The following PHACTR3 variants were observed in gnomAD, a reference collection of about 807,000 sequenced individuals.
PHACTR3 encodes the protein protein phosphatase 1, regulatory subunit 123.
PHACTR3 carries 16 observed loss-of-function variants against 66.8 expected under a neutral mutation model. The observed-to-expected ratio is 0.24, with a 90% confidence interval of 0.16 to 0.36. The LOEUF is 0.36. Among genes scored for constraint, PHACTR3 ranks in the 10% least tolerant of loss-of-function variants. The pLI is 1.00. For missense variants in PHACTR3, 647 were observed against 719.9 expected, an observed-to-expected ratio of 0.90 and a Z score of 1.16; for synonymous variants, 323 against 292.1, an observed-to-expected ratio of 1.11 and a Z score of -1.08.
In PHACTR3 at chr20:59,829,280, C is replaced by T. The variant is rs895333795; in HGVS notation, c.1329-7225C>T. On this transcript the variant is annotated intron_variant, in intron 8 of 12. Transcript: ENST00000371015. The surrounding 1 kb of genome is among the most constrained non-coding windows in gnomAD (Gnocchi z 4.2). ...AGCACCTCTCAGCTGAGCCCTCAGTCGGCAGAACATCCCTGCTTGCTGTTT... is the reference window on the plus strand; with the variant it reads ...AGCACCTCTCAGCTGAGCCCTCAGTTGGCAGAACATCCCTGCTTGCTGTTT... Among the ~76,000 whole-genome samples, 8 of 152,204 alleles carry T rather than the reference C, an allele frequency of 5.3e-5. No homozygotes were observed. Among genetic ancestry groups the T allele is most frequent in the Admixed American group, 1.3e-4 (2 of 15,288 alleles).
chr20:59,757,061 T>A (rs1419129865), intron 4 of PHACTR3, among the ~76,000 whole-genome samples: 2 of 152,178 alleles, frequency 1.3e-5, no homozygotes. Context: ...AACAGACACT[T>A]CTCAAAAGAA....
intron 1 of PHACTR3, among the ~76,000 whole-genome samples, chr20:59,693,679 T>C (rs1328654351): frequency 6.6e-6 from 1 of 152,200 alleles, no homozygotes; most frequent in African/African-American, 2.4e-5. Flanking sequence ...TAGGCTGGAC[T>C]TAGCTGGGTG....
chr20:59,644,713 G>A (rs1344173857), intron 1 of PHACTR3, among the ~76,000 whole-genome samples: 2 of 152,212 alleles, frequency 1.3e-5, no homozygotes, highest in Non-Finnish European at 2.9e-5. Flanking sequence ...CCAGGCACAG[G>A]CTGCACCTCC....
At chr20:59,669,933 G>A (rs762322557) in intron 1 of PHACTR3, among the ~76,000 whole-genome samples, 3 of 152,126 alleles carry the variant, frequency 2.0e-5, no homozygotes, top group Admixed American at 6.6e-5. Context: ...CTTTCACAAC[G>A]TTCTTGTTTT....
At chr20:59,827,471 G>A (rs1373126205) in intron 8 of PHACTR3, among the ~76,000 whole-genome samples, 1 of 152,210 alleles carries the variant, frequency 6.6e-6, no homozygotes, top group Non-Finnish European at 1.5e-5. Flanking sequence ...AATAGCAACA[G>A]TGATGGAGAC....
intron 1 of PHACTR3, among the ~76,000 whole-genome samples, chr20:59,582,995 A>G (rs2146300728): frequency 6.6e-6 from 1 of 152,128 alleles, no homozygotes; most frequent in East Asian, 1.9e-4. Flanking sequence ...TAGAGTGAAC[A>G]GTTTTTCTCA....
intron 2 of PHACTR3, 29 bp downstream of exon 2, chr20:59,743,297 G>T: frequency 6.2e-7 from 1 of 1,611,550 alleles, no homozygotes; most frequent in Non-Finnish European, 8.5e-7. Flanking sequence ...GCGCGGGCAG[G>T]CTGTGGCTGG....
At chr20:59,589,049 A>G (rs1296575108) in intron 1 of PHACTR3, among the ~76,000 whole-genome samples, 4 of 152,198 alleles carry the variant, frequency 2.6e-5, no homozygotes, top group Non-Finnish European at 5.9e-5. Flanking sequence ...GCCACAGTGT[A>G]TAGACTCACA....
chr20:59,648,615 A>C (rs1276348528), intron 1 of PHACTR3, among the ~76,000 whole-genome samples: 1 of 152,184 alleles, frequency 6.6e-6, no homozygotes, highest in Non-Finnish European at 1.5e-5. Context: ...TCTGGGGCTG[A>C]TGATAGCATT....
chr20:59,700,546 C>T (rs923529284), intron 1 of PHACTR3, among the ~76,000 whole-genome samples: 2 of 152,100 alleles, frequency 1.3e-5, no homozygotes, highest in East Asian at 1.9e-4. Flanking sequence ...AGGTCATTGA[C>T]AATTCTAAAA....
intron 10 of PHACTR3, 78 bp from the exon 11 acceptor site, chr20:59,841,317 G>C: frequency 7.2e-7 from 1 of 1,392,464 alleles, no homozygotes; most frequent in Admixed American, 2.4e-5. Context: ...TTTTTTAAGA[G>C]AAGTGCTGTT....
intron 1 of PHACTR3, chr20:59,628,835 T>C (rs1467696933): frequency 1.0e-5 from 10 of 984,342 alleles, no homozygotes; most frequent in Non-Finnish European, 1.1e-5. Flanking sequence ...TTGTTTTTTG[T>C]TTGTTTTTAA....
chr20:59,795,426 C>T (rs780447142), intron 7 of PHACTR3, among the ~76,000 whole-genome samples: 1 of 150,950 alleles, frequency 6.6e-6, no homozygotes, highest in Non-Finnish European at 1.5e-5. Flanking sequence ...GAGAATGTTC[C>T]ATGTGCAATT....
At position 59,820,830 on chromosome 20, in the gene PHACTR3, G is replaced by A. The variant is rs1005107838; in HGVS notation, c.1328+14636G>A. On this transcript the variant is annotated intron_variant, in intron 8 of 12. Transcript: ENST00000371015. The surrounding 1 kb of genome is among the most constrained non-coding windows in gnomAD (Gnocchi z 4.6). ...ACATGATTCCCAAACCAGGGAGCAGGTGGTTTGGTGGACTTGGAGGCTGCC... is the reference window on the plus strand; with the variant it reads ...ACATGATTCCCAAACCAGGGAGCAGATGGTTTGGTGGACTTGGAGGCTGCC... Among the ~76,000 whole-genome samples the A allele has an allele frequency of 6.6e-6, 1 of 152,192 alleles. No homozygotes were observed. Among genetic ancestry groups the A allele is most frequent in the Non-Finnish European group, 1.5e-5 (1 of 68,048 alleles).
intron 1 of PHACTR3, among the ~76,000 whole-genome samples, chr20:59,688,209 A>T (rs564223916): frequency 1.3e-5 from 2 of 152,266 alleles, no homozygotes; most frequent in African/African-American, 4.8e-5. Flanking sequence ...CTTAAAACAT[A>T]GTGTACATTA....
chr20:59,721,899 A>G (rs2038316081), intron 1 of PHACTR3, among the ~76,000 whole-genome samples: 1 of 151,282 alleles, frequency 6.6e-6, no homozygotes, highest in African/African-American at 2.4e-5. Flanking sequence ...AAAGAAATAC[A>G]CAAGACGACG....
At chr20:59,674,601 T>C (rs1601068835) in intron 1 of PHACTR3, among the ~76,000 whole-genome samples, 1 of 39,228 alleles carries the variant, frequency 2.5e-5, no homozygotes, top group Non-Finnish European at 4.0e-5. Context: ...CTGTCCCCGC[T>C]TCTCCTGTTC....
At chr20:59,610,756 C>T (rs957321419) in intron 1 of PHACTR3, among the ~76,000 whole-genome samples, 80 of 152,160 alleles carry the variant, frequency 5.3e-4, no homozygotes, top group African/African-American at 1.8e-3. Flanking sequence ...GCCTGTGGTC[C>T]TTTTGGCTGT....
chr20:59,582,766 C>T (rs2032898196), intron 1 of PHACTR3, among the ~76,000 whole-genome samples: 1 of 152,056 alleles, frequency 6.6e-6, no homozygotes, highest in Admixed American at 6.6e-5. Context: ...GGGGGTCGTT[C>T]GTGTGTTTCC....
Sources: allele counts gnomAD v4.1 joint callset (sites outside exome capture counted in the v4.1 genomes callset), GRCh38; gene constraint gnomAD v4.1.1; non-coding constraint Gnocchi (gnomAD v3.1); transcripts MANE v1.5; gene names NCBI Gene and HGNC (gene_info 2026-07-23, HGNC 2026-07-21).